Variants in FRMD3 observed in about 807,000 individuals in gnomAD.
FRMD3 encodes FERM domain containing 3.
In FRMD3, 33 loss-of-function variants were observed where a neutral mutation model predicts 70.2. That is an observed-to-expected ratio of 0.47 (90% CI 0.36 to 0.63). FRMD3 has a LOEUF of 0.63. FRMD3 is among the 20% of genes least tolerant of loss of function. The pLI, the probability that FRMD3 is intolerant of heterozygous loss-of-function variation, is 0.00. For synonymous variants in FRMD3, 279 were observed against 255.9 expected, an observed-to-expected ratio of 1.09 and a Z score of -0.86; for missense variants, 632 against 711.4, an observed-to-expected ratio of 0.89 and a Z score of 1.27.
intron 1 of FRMD3, among the ~76,000 whole-genome samples, chr9:83,532,804 G>C (rs1829816608): frequency 6.6e-6 from 1 of 152,200 alleles, no homozygotes; most frequent in African/African-American, 2.4e-5. Flanking sequence ...TGGGGACTCT[G>C]GGAAAGTGTT....
chr9:83,439,558 T>C (rs1827238038), intron 1 of FRMD3, among the ~76,000 whole-genome samples: 1 of 152,242 alleles, frequency 6.6e-6, no homozygotes, highest in Non-Finnish European at 1.5e-5. Flanking sequence ...GGCTTCTTTA[T>C]GCAGCAGCAG....
At chr9:83,298,231 GC>G (rs1207180301) in intron 12 of FRMD3, among the ~76,000 whole-genome samples, 1 of 152,196 alleles carries the variant, frequency 6.6e-6, no homozygotes, top group African/African-American at 2.4e-5. Context: ...GTCCAACATG[GC>G]AAGAGAATAT....
In FRMD3 at chr9:83,311,801, C is replaced by G. The variant is rs1482205657; in HGVS notation, c.773+86G>C. The G allele has an allele frequency of 3.3e-6, 3 of 916,842 alleles. No individual in the cohort carries two copies. The East Asian group carries it at 7.3e-5, about 22-fold the overall frequency. 56.8% of individuals were successfully genotyped at this position (916,842 alleles called of 1,614,324 possible). A position where few individuals can be genotyped will look rare whatever the true frequency, so the allele number is the denominator to read the frequency against. On this transcript the variant is annotated intron_variant, in intron 8 of 13. Coordinates refer to ENST00000304195, the MANE Select transcript of FRMD3 (RefSeq NM_174938.6). ...AGGAAATGGATACCAGGCATTCTAC[C>G]TGACACTTGCCCGAGAAGCCAAGGA...
At chr9:83,567,003 C>T in the FRMD3 span, among the ~76,000 whole-genome samples, 1 of 152,248 alleles carries the variant, frequency 6.6e-6, no homozygotes, top group Admixed American at 6.5e-5. Flanking sequence ...AGGGCTCCAA[C>T]CCCACATTCC....
chr9:83,563,603 C>T, the FRMD3 span, among the ~76,000 whole-genome samples: 1 of 152,114 alleles, frequency 6.6e-6, no homozygotes, highest in Non-Finnish European at 1.5e-5. Flanking sequence ...CTTAACACCT[C>T]CCACTCCCTC....
chr9:83,529,745 T>TTGTGTCCAGA (rs1345161273), intron 1 of FRMD3, among the ~76,000 whole-genome samples: 35 of 152,178 alleles, frequency 2.3e-4, no homozygotes, highest in Non-Finnish European at 4.4e-4. Flanking sequence ...AATCACTTAT[T>TTGTGTCCAGA]ATATAAAGGG....
chr9:83,403,565 G>A (rs1026987516), intron 1 of FRMD3, among the ~76,000 whole-genome samples: 30 of 152,122 alleles, frequency 2.0e-4, no homozygotes, highest in African/African-American at 7.0e-4. Flanking sequence ...AGAAGACGGA[G>A]TTAGCTCCAG....
intron 5 of FRMD3, among the ~76,000 whole-genome samples, chr9:83,338,184 T>A (rs968344095): frequency 2.6e-5 from 4 of 152,062 alleles, no homozygotes; most frequent in Non-Finnish European, 5.9e-5. Flanking sequence ...TAATTAGAGA[T>A]ATGCAAACCA....
intron 1 of FRMD3, among the ~76,000 whole-genome samples, chr9:83,409,087 G>A (rs112346740): frequency 1.5e-3 from 228 of 152,202 alleles, no homozygotes; most frequent in African/African-American, 5.3e-3. Flanking sequence ...CAGCATACTC[G>A]GGAAAGCAAA....
intron 1 of FRMD3, among the ~76,000 whole-genome samples, chr9:83,442,194 T>G (rs539648292): frequency 1.3e-4 from 20 of 152,188 alleles, no homozygotes; most frequent in Admixed American, 1.2e-3. Context: ...TGTAAGAGCT[T>G]TGTGTACATT....
intron 1 of FRMD3, among the ~76,000 whole-genome samples, chr9:83,506,568 C>T (rs1405999548): frequency 6.6e-6 from 1 of 152,166 alleles, no homozygotes; most frequent in Non-Finnish European, 1.5e-5. Flanking sequence ...ATCTAGGGCA[C>T]TTACCATGAA....
At chr9:83,576,544 A>T in the FRMD3 span, among the ~76,000 whole-genome samples, 1 of 152,124 alleles carries the variant, frequency 6.6e-6, no homozygotes, top group Non-Finnish European at 1.5e-5. Flanking sequence ...TCACCCAGGT[A>T]TTAAGCCTAC....
At chr9:83,309,390 C>T (rs1398320256) in intron 10 of FRMD3, 146 bp downstream of exon 10, 2 of 575,038 alleles carry the variant, frequency 3.5e-6, no homozygotes, top group Non-Finnish European at 6.2e-6. Context: ...CCGGGAGTCA[C>T]CCTGAACAAT....
intron 1 of FRMD3, among the ~76,000 whole-genome samples, chr9:83,436,109 A>G (rs988931538): frequency 6.6e-6 from 1 of 152,132 alleles, no homozygotes; most frequent in African/African-American, 2.4e-5. Flanking sequence ...CCACAGTCCT[A>G]CCTTCACTCT....
At chr9:83,374,349 C>T (rs1825076179) in intron 2 of FRMD3, among the ~76,000 whole-genome samples, 1 of 151,948 alleles carries the variant, frequency 6.6e-6, no homozygotes, top group African/African-American at 2.4e-5. Flanking sequence ...TAATGGGAGT[C>T]TTATAAGAGT....
intron 1 of FRMD3, among the ~76,000 whole-genome samples, chr9:83,394,986 A>G (rs1587812290): frequency 6.6e-6 from 1 of 152,316 alleles, no homozygotes; most frequent in Admixed American, 6.5e-5. Context: ...AGGCTCATTC[A>G]TGTATCTATT....
downstream of FRMD3, chr9:83,243,206 T>C: frequency 6.4e-7 from 1 of 1,550,392 alleles, no homozygotes. Context: ...GTCTGTTTAC[T>C]GCATGGAGAC....
chr9:83,492,662 G>T (rs1408116417), intron 1 of FRMD3, among the ~76,000 whole-genome samples: 8 of 152,174 alleles, frequency 5.3e-5, no homozygotes, highest in Admixed American at 5.2e-4. Flanking sequence ...CAGCATTAAT[G>T]CAGTCCTTGA....
chr9:83,403,970 T>C (rs1247294535), intron 1 of FRMD3, among the ~76,000 whole-genome samples: 1 of 152,042 alleles, frequency 6.6e-6, no homozygotes, highest in Admixed American at 6.6e-5. Context: ...ACCCGAAGGT[T>C]CCCAGTAGTC....
Sources: allele counts gnomAD v4.1 joint callset (sites outside exome capture counted in the v4.1 genomes callset), GRCh38; gene constraint gnomAD v4.1.1; transcripts MANE v1.5; gene names NCBI Gene and HGNC (gene_info 2026-07-23, HGNC 2026-07-21).